The following RARB variants were observed in gnomAD, a reference collection of about 807,000 sequenced individuals.
RARB encodes HBV-activated protein.
A neutral mutation model predicts 51.9 loss-of-function variants in RARB; 17 were observed. That is an observed-to-expected ratio of 0.33 (90% confidence interval 0.22 to 0.49). The LOEUF is 0.49. Among genes scored for constraint, RARB ranks in the 20% least tolerant of loss-of-function variants. RARB has a pLI of 0.99. For missense variants in RARB, 369 were observed against 550.8 expected (o/e 0.67, Z 3.30); for synonymous variants, 215 against 195.4 (o/e 1.10, Z -0.84).
At chr3:24,862,723 G>A (rs1175173696) in intron 2 of RARB, among the ~76,000 whole-genome samples, 3 of 152,164 alleles carry the variant, frequency 2.0e-5, no homozygotes, top group Admixed American at 1.3e-4. Context: ...TATGCCCCAC[G>A]TATAAGGAGG....
intron 2 of RARB, among the ~76,000 whole-genome samples, chr3:25,481,572 A>G (rs1696226264): frequency 6.6e-6 from 1 of 152,208 alleles, no homozygotes; most frequent in Non-Finnish European, 1.5e-5. Flanking sequence ...CCTGTCTGTT[A>G]TGGTCACTGA....
intron 5 of RARB, among the ~76,000 whole-genome samples, chr3:25,354,519 A>T (rs920478655): frequency 6.6e-6 from 1 of 152,152 alleles, no homozygotes; most frequent in Non-Finnish European, 1.5e-5. Flanking sequence ...AAAAAGAACT[A>T]TCATAAGCCA....
At chr3:25,250,623 G>C (rs1702692600) in intron 5 of RARB, among the ~76,000 whole-genome samples, 1 of 152,120 alleles carries the variant, frequency 6.6e-6, no homozygotes, top group Admixed American at 6.5e-5. Flanking sequence ...CCTGGCTGTG[G>C]GCAAGGGATG....
chr3:25,164,886 CTG>C (rs1700535211), intron 4 of RARB, among the ~76,000 whole-genome samples: 1 of 152,172 alleles, frequency 6.6e-6, no homozygotes, highest in Admixed American at 6.5e-5. Flanking sequence ...CTTTTCAGCA[CTG>C]TGTCATTCAT....
intron 1 of RARB, among the ~76,000 whole-genome samples, chr3:25,432,247 A>G (rs1708240042): frequency 1.3e-5 from 2 of 152,238 alleles, no homozygotes; most frequent in Non-Finnish European, 2.9e-5. Flanking sequence ...ATAAATTGGT[A>G]CATTTGACAA....
chr3:25,357,824 G>C (rs1208675342), intron 5 of RARB, among the ~76,000 whole-genome samples: 1 of 152,122 alleles, frequency 6.6e-6, no homozygotes, highest in Non-Finnish European at 1.5e-5. Context: ...TTGTAGATGT[G>C]TGGTGTTATT....
At chr3:25,021,531 T>G (rs1697636209) in intron 2 of RARB, among the ~76,000 whole-genome samples, 1 of 151,978 alleles carries the variant, frequency 6.6e-6, no homozygotes, top group Admixed American at 6.6e-5. Flanking sequence ...AGAGGTAGAG[T>G]CCTTCAGGGC....
intron 3 of RARB, among the ~76,000 whole-genome samples, chr3:25,545,977 T>G (rs986174995): frequency 6.6e-6 from 1 of 152,050 alleles, no homozygotes; most frequent in Non-Finnish European, 1.5e-5. Context: ...GAAGGCCTTA[T>G]GAGAAGGTGA....
chr3:25,209,190 A>G (rs1701634207), intron 5 of RARB, among the ~76,000 whole-genome samples: 1 of 152,204 alleles, frequency 6.6e-6, no homozygotes, highest in Admixed American at 6.5e-5. Context: ...TTCGTCGGTC[A>G]GTTGGAACTC....
chr3:24,910,412 AAC>A (rs1694967952), intron 2 of RARB, among the ~76,000 whole-genome samples: 1 of 152,234 alleles, frequency 6.6e-6, no homozygotes, highest in Non-Finnish European at 1.5e-5. Context: ...AAGGTAAATA[AAC>A]ACAAAATAAT....
intron 2 of RARB, among the ~76,000 whole-genome samples, chr3:24,936,959 T>C (rs1342290869): frequency 6.6e-6 from 1 of 152,200 alleles, no homozygotes; most frequent in Non-Finnish European, 1.5e-5. Context: ...GTTAAATATC[T>C]ATGAGGAGCC....
At chr3:25,208,751 C>T (rs932047634) in intron 5 of RARB, among the ~76,000 whole-genome samples, 3 of 152,008 alleles carry the variant, frequency 2.0e-5, no homozygotes, top group East Asian at 1.9e-4. Flanking sequence ...CTCATTGAGC[C>T]CCTCACATGT....
Position 25,501,237 on chromosome 3 carries a change from A to G in RARB, c.362A>G (p.Lys121Arg). 6.2e-7 allele frequency: 1 copy of G among 1,610,632 alleles called. No homozygotes were observed. Among genetic ancestry groups the G allele is most frequent in the Non-Finnish European group, 8.5e-7 (1 of 1,178,962 alleles). Reference protein sequence around the residue: ...KNMIYTCHRDKNCVINKVTRN... With the variant: ...KNMIYTCHRDRNCVINKVTRN... ...ATGATTTACACTTGTCACCGAGATAAGAACTGTGTTATTAATAAAGTCACC... is the reference window on the plus strand; with the variant it reads ...ATGATTTACACTTGTCACCGAGATAGGAACTGTGTTATTAATAAAGTCACC... Residue 121 changes from lysine (K) to arginine (R), a missense_variant, in exon 3 of 8, where the codon AAG (lysine) becomes AGG (arginine). Lys to Arg is a conservative substitution (Grantham distance 26). Coordinates refer to ENST00000330688, the MANE Select transcript of RARB (RefSeq NM_000965.5).
rs558836419 is a variant in RARB at position 25,403,152 on chromosome 3, C to G, written c.179-58041C>G. Among the ~76,000 whole-genome samples the G allele has an allele frequency of 2.3e-3, 312 of 137,614 alleles. 3 individuals are homozygous for G. Among genetic ancestry groups the G allele is most frequent in the African/African-American group, 8.3e-3 (301 of 36,192 alleles). The allele number at this position is 137,614 out of a possible 152,430, so 90.3% of individuals were successfully genotyped here. On this transcript the variant is annotated intron_variant, in intron 5 of 11. Transcript: ENST00000383772. ...CACTCCAGCCTGAGTGACAGAAAGACTGCATCTCAAAAAAAAAAAAAAAAA... is the reference window on the plus strand; with the variant it reads ...CACTCCAGCCTGAGTGACAGAAAGAGTGCATCTCAAAAAAAAAAAAAAAAA...
At chr3:25,034,715 C>T (rs895583951) in intron 2 of RARB, among the ~76,000 whole-genome samples, 2 of 152,064 alleles carry the variant, frequency 1.3e-5, no homozygotes, top group Non-Finnish European at 2.9e-5. Flanking sequence ...CAGTAAAAAA[C>T]ACAAGCCTAC....
intron 2 of RARB, among the ~76,000 whole-genome samples, chr3:24,912,975 C>CTTTT (rs386396163): frequency 0.21 from 15,251 of 74,296 alleles, 4,032 homozygotes; most frequent in South Asian, 0.34. Context: ...GGTACTGATT[C>CTTTT]TTTTTTTTTT....
intron 5 of RARB, among the ~76,000 whole-genome samples, chr3:25,356,513 T>G (rs764650564): frequency 6.8e-6 from 1 of 146,018 alleles, no homozygotes; most frequent in Non-Finnish European, 1.5e-5. Context: ...TTAGATTTTT[T>G]CTTTCTTTTT....
chr3:24,961,796 C>G (rs549302326), intron 2 of RARB, among the ~76,000 whole-genome samples: 322 of 152,056 alleles, frequency 2.1e-3, no homozygotes, highest in African/African-American at 7.4e-3. Flanking sequence ...TCCATTTAAT[C>G]TAGGCTTGAG....
intron 2 of RARB, among the ~76,000 whole-genome samples, chr3:25,048,889 G>A (rs1471610215): frequency 6.6e-6 from 1 of 151,174 alleles, no homozygotes; most frequent in Non-Finnish European, 1.5e-5. Flanking sequence ...CCCAGTAGCT[G>A]GGACTAGCGC....
Sources: allele counts gnomAD v4.1 joint callset (sites outside exome capture counted in the v4.1 genomes callset), GRCh38; gene constraint gnomAD v4.1.1; transcripts MANE v1.5; gene names NCBI Gene and HGNC (gene_info 2026-07-23, HGNC 2026-07-21).